Variants in SORCS3 observed in about 807,000 individuals in gnomAD.
SORCS3 encodes the protein VPS10 domain-containing receptor SorCS3.
Under a neutral mutation model 146.3 loss-of-function variants are expected in SORCS3, and 57 were observed. That is an observed-to-expected ratio of 0.39 (90% CI 0.31 to 0.49). SORCS3 has a LOEUF of 0.49. SORCS3 is among the 20% of genes least tolerant of loss of function. SORCS3 has a pLI of 0.92. For missense variants in SORCS3, 1,341 were observed against 1,575.5 expected (o/e 0.85, Z 2.52); for synonymous variants, 653 against 618.5 (o/e 1.06, Z -0.83).
intron 2 of SORCS3, among the ~76,000 whole-genome samples, chr10:104,887,823 T>A (rs2018704594): frequency 6.6e-6 from 1 of 152,236 alleles, no homozygotes; most frequent in African/African-American, 2.4e-5. Flanking sequence ...GTATCTGTCA[T>A]ACATGATCTA....
At chr10:105,246,971 T>C (rs12771604) in intron 21 of SORCS3, among the ~76,000 whole-genome samples, 3 of 152,336 alleles carry the variant, frequency 2.0e-5, no homozygotes, top group South Asian at 4.1e-4. Context: ...TCAGATAATA[T>C]ACAGGAAGAA....
chr10:105,252,031 A>G (rs1216243819), intron 22 of SORCS3, among the ~76,000 whole-genome samples: 1 of 152,196 alleles, frequency 6.6e-6, no homozygotes, highest in South Asian at 2.1e-4. Context: ...TCAGGTGATT[A>G]TACCAGTATT....
At chr10:105,021,657 A>G (rs2055198707) in intron 4 of SORCS3, among the ~76,000 whole-genome samples, 1 of 152,188 alleles carries the variant, frequency 6.6e-6, no homozygotes, top group African/African-American at 2.4e-5. Context: ...ACCCATTTAT[A>G]AATACATACC....
intron 1 of SORCS3, among the ~76,000 whole-genome samples, chr10:104,701,459 A>G (rs7100121): frequency 0.014 from 2,128 of 152,304 alleles, 48 homozygotes; most frequent in African/African-American, 0.048. Context: ...ATTTCCTTTC[A>G]AAAGGGTAGC....
At chr10:104,660,739 C>T (rs1340696404) in intron 1 of SORCS3, among the ~76,000 whole-genome samples, 1 of 152,166 alleles carries the variant, frequency 6.6e-6, no homozygotes, top group Non-Finnish European at 1.5e-5. Flanking sequence ...GTGCTATTTG[C>T]CTAATTTTTC....
intron 3 of SORCS3, among the ~76,000 whole-genome samples, chr10:104,954,556 T>C (rs1277850968): frequency 6.6e-6 from 1 of 152,202 alleles, no homozygotes; most frequent in Non-Finnish European, 1.5e-5. Flanking sequence ...ATACTAATTG[T>C]TAAGAAATAG....
intron 1 of SORCS3, among the ~76,000 whole-genome samples, chr10:104,668,964 C>G (rs1344203972): frequency 1.3e-5 from 2 of 152,184 alleles, no homozygotes; most frequent in African/African-American, 4.8e-5. Context: ...GAGTTATCTT[C>G]CAGCGGGGAA....
chr10:105,254,823 C>T (rs1313445703), intron 23 of SORCS3, among the ~76,000 whole-genome samples: 1 of 151,890 alleles, frequency 6.6e-6, no homozygotes, highest in Non-Finnish European at 1.5e-5. Flanking sequence ...AGTTGGGCCT[C>T]TGTATATGCA....
intron 14 of SORCS3, 123 bp from the exon 15 acceptor site, chr10:105,199,876 T>G: frequency 1.4e-6 from 1 of 711,800 alleles, no homozygotes; most frequent in Non-Finnish European, 2.5e-6. Flanking sequence ...GGAACTCACT[T>G]TGGAAGAATA....
At chr10:105,022,297 CTTTTTTTT>C (rs55738895) in intron 4 of SORCS3, among the ~76,000 whole-genome samples, 1 of 130,072 alleles carries the variant, frequency 7.7e-6, no homozygotes, top group Non-Finnish European at 1.6e-5. Flanking sequence ...TTTTTCTTTT[CTTTTTTTT>C]TTTTTTTTCG....
intron 13 of SORCS3, among the ~76,000 whole-genome samples, chr10:105,170,703 T>G (rs1410825801): frequency 6.6e-6 from 1 of 152,222 alleles, no homozygotes; most frequent in Non-Finnish European, 1.5e-5. Context: ...TGCCAGCTGT[T>G]GAGTATATGT....
rs145387377 is a variant in SORCS3 at position 104,668,183 on chromosome 10, G to A, written c.627+26229G>A. Among the ~76,000 whole-genome samples the A allele has an allele frequency of 5.9e-5, 9 of 152,242 alleles. No individual in the cohort carries two copies. In the East Asian group the frequency reaches 7.7e-4, roughly 13 times the overall value. ...TGTGTGTGCGCGCATGTGTGTGCACGCGCAATAGTAAACCATATTAAGTGC... is the reference window on the plus strand; with the variant it reads ...TGTGTGTGCGCGCATGTGTGTGCACACGCAATAGTAAACCATATTAAGTGC... On this transcript the variant is annotated intron_variant, in intron 1 of 26. Coordinates refer to ENST00000369701, the MANE Select transcript of SORCS3 (RefSeq NM_014978.3).
At chr10:105,102,020 G>T (rs1478320272) in intron 6 of SORCS3, among the ~76,000 whole-genome samples, 1 of 152,144 alleles carries the variant, frequency 6.6e-6, no homozygotes, top group Non-Finnish European at 1.5e-5. Flanking sequence ...TCTCCTCTCA[G>T]CCAGAAGTGG....
chr10:105,197,964 C>T (rs1454832362), intron 14 of SORCS3, among the ~76,000 whole-genome samples: 5 of 152,096 alleles, frequency 3.3e-5, no homozygotes, highest in African/African-American at 7.2e-5. Context: ...AACCTTGCAG[C>T]GGACTACTCA....
chr10:104,836,351 A>G (rs11192201), intron 1 of SORCS3, among the ~76,000 whole-genome samples: 15,024 of 152,142 alleles, frequency 0.099, 924 homozygotes, highest in South Asian at 0.24. Flanking sequence ...AAATCACTTT[A>G]CTATCAAAAT....
At chr10:105,212,771 A>T (rs982087625) in intron 17 of SORCS3, among the ~76,000 whole-genome samples, 3 of 152,206 alleles carry the variant, frequency 2.0e-5, no homozygotes, top group African/African-American at 7.2e-5. Context: ...AGAGTAGATG[A>T]TATCAAGTTT....
chr10:105,144,843 C>T (rs2056120092), intron 8 of SORCS3, among the ~76,000 whole-genome samples: 1 of 152,040 alleles, frequency 6.6e-6, no homozygotes, highest in Admixed American at 6.6e-5. Flanking sequence ...CTCTATTGGA[C>T]CAATTTTAGC....
chr10:104,682,648 T>C (rs1294692856), intron 1 of SORCS3, among the ~76,000 whole-genome samples: 1 of 152,208 alleles, frequency 6.6e-6, no homozygotes, highest in Non-Finnish European at 1.5e-5. Context: ...CCCAGGCTGC[T>C]CTGGAAGAGG....
chr10:104,790,980 T>G (rs147019773), intron 1 of SORCS3, among the ~76,000 whole-genome samples: 82 of 152,336 alleles, frequency 5.4e-4, no homozygotes, highest in African/African-American at 1.9e-3. Context: ...GGCAACACTT[T>G]TTTTTCTCTC....
Sources: gnomAD v4.1 joint callset for allele counts (sites outside exome capture counted in the v4.1 genomes callset) on GRCh38, gnomAD v4.1.1 for gene constraint, MANE v1.5 for transcripts, NCBI Gene and HGNC (gene_info 2026-07-23, HGNC 2026-07-21) for gene names.